Variants in ATG7 observed in about 807,000 individuals in gnomAD.
The protein encoded by ATG7 is ubiquitin-like modifier-activating enzyme ATG7.
A neutral mutation model predicts 82.4 loss-of-function variants in ATG7; 70 were observed. The observed-to-expected ratio is 0.85, with a 90% CI of 0.70 to 1.04. ATG7 has a LOEUF of 1.04. ATG7 is among the 50% of genes least tolerant of loss of function. The probability of loss-of-function intolerance (pLI) is 0.00; values close to 1 mark genes in which losing one functional copy is unlikely to be tolerated. For missense variants in ATG7, 792 were observed against 864.3 expected, an observed-to-expected ratio of 0.92 and a Z score of 1.05; for synonymous variants, 287 against 313.0, an observed-to-expected ratio of 0.92 and a Z score of 0.88.
chr3:11,297,510 T>TCAAA (rs1946132612), intron 3 of ATG7, among the ~76,000 whole-genome samples: 1 of 152,168 alleles, frequency 6.6e-6, no homozygotes, highest in Non-Finnish European at 1.5e-5. Flanking sequence ...CTTCTCAAAC[T>TCAAA]GGGGTATGTT....
intron 20 of ATG7, among the ~76,000 whole-genome samples, chr3:11,531,172 G>A (rs2092687115): frequency 6.6e-6 from 1 of 152,238 alleles, no homozygotes; most frequent in Non-Finnish European, 1.5e-5. Context: ...ACAGAGTCAA[G>A]ACTAAAACCC....
chr3:11,381,204 T>C (rs11128549), intron 19 of ATG7, among the ~76,000 whole-genome samples: 10,681 of 152,290 alleles, frequency 0.07, 539 homozygotes, highest in African/African-American at 0.15. Flanking sequence ...CTTTAAGATA[T>C]ATCTGCTCAA....
At chr3:11,427,810 G>A (rs1204892811) in intron 20 of ATG7, among the ~76,000 whole-genome samples, 2 of 65,794 alleles carry the variant, frequency 3.0e-5, no homozygotes, top group African/African-American at 1.2e-4. Flanking sequence ...GCGAGACTCC[G>A]TCTCAAAAAA....
chr3:11,430,397 C>T (rs548357314), intron 20 of ATG7, among the ~76,000 whole-genome samples: 22 of 152,170 alleles, frequency 1.4e-4, no homozygotes, highest in African/African-American at 2.6e-4. Flanking sequence ...ATTCTCAATG[C>T]GTTTACAGGT....
chr3:11,400,965 T>C (rs2079782055), intron 19 of ATG7, among the ~76,000 whole-genome samples: 1 of 152,214 alleles, frequency 6.6e-6, no homozygotes, highest in African/African-American at 2.4e-5. Context: ...AAGCAATTTC[T>C]TTTAGGAGAA....
rs1475453298 is a variant in ATG7, at chr3:11,508,579, C to T, written c.2080-46232C>T. On this transcript the variant is annotated intron_variant, in intron 20 of 20. Coordinates refer to ENST00000693202, the MANE Select transcript of ATG7 (RefSeq NM_001349232.2). ...CAGGTGATCCTCCTGCTTCAGCTTCCGAAGTAGCTGGTGTACCACCATGCC... is the reference window on the plus strand; with the variant it reads ...CAGGTGATCCTCCTGCTTCAGCTTCTGAAGTAGCTGGTGTACCACCATGCC... Among the ~76,000 whole-genome samples, 4 of 152,246 alleles carry T rather than the reference C, an allele frequency of 2.6e-5. No homozygotes were observed. In the East Asian group the frequency reaches 5.8e-4, roughly 22 times the overall value.
chr3:11,430,687 A>G (rs1338214368), intron 20 of ATG7, among the ~76,000 whole-genome samples: 1 of 152,248 alleles, frequency 6.6e-6, no homozygotes, highest in Admixed American at 6.5e-5. Flanking sequence ...TTAATGAGAC[A>G]CTGACCCTCA....
intron 9 of ATG7, among the ~76,000 whole-genome samples, chr3:11,329,089 G>A (rs933682113): frequency 6.6e-6 from 1 of 152,128 alleles, no homozygotes; most frequent in African/African-American, 2.4e-5. Flanking sequence ...CGGTAATAAC[G>A]TGAGACTCTG....
chr3:11,563,590 G>A, the ATG7 span, among the ~76,000 whole-genome samples: 5 of 152,214 alleles, frequency 3.3e-5, no homozygotes, highest in African/African-American at 1.2e-4. Context: ...CTGGGTAAAT[G>A]GTGAGCGCTC....
intron 7 of ATG7, among the ~76,000 whole-genome samples, chr3:11,309,460 T>TTG (rs1553607905): frequency 1.3e-5 from 2 of 151,654 alleles, no homozygotes; most frequent in Non-Finnish European, 2.9e-5. Flanking sequence ...GATTTTTTTT[T>TTG]TTTGTTTTTT....
At chr3:11,370,893 T>C (rs1470042195) in intron 18 of ATG7, among the ~76,000 whole-genome samples, 1 of 151,178 alleles carries the variant, frequency 6.6e-6, no homozygotes, top group Non-Finnish European at 1.5e-5. Context: ...TCTTCCTTTC[T>C]ACCTCTTTGC....
intron 20 of ATG7, among the ~76,000 whole-genome samples, chr3:11,486,829 T>TG (rs2089721203): frequency 2.9e-5 from 3 of 104,668 alleles, no homozygotes; most frequent in Non-Finnish European, 5.9e-5. Flanking sequence ...TGTTTTTTTT[T>TG]TTTTTTTTTT....
At chr3:11,414,512 C>T (rs541331313) in intron 19 of ATG7, among the ~76,000 whole-genome samples, 1 of 152,294 alleles carries the variant, frequency 6.6e-6, no homozygotes, top group South Asian at 2.1e-4. Flanking sequence ...TTTATTTCTT[C>T]CTTCCCAATC....
At chr3:11,418,528 A>G (rs777401245) in intron 19 of ATG7, among the ~76,000 whole-genome samples, 2 of 152,346 alleles carry the variant, frequency 1.3e-5, no homozygotes, top group South Asian at 2.1e-4. Context: ...TCACAAAAGC[A>G]TGGGGGCCTC....
At chr3:11,307,081 GTA>G in intron 6 of ATG7, 21 bp downstream of exon 6, 1 of 1,592,782 alleles carries the variant, frequency 6.3e-7, no homozygotes, top group South Asian at 1.1e-5. Flanking sequence ...AAAACGTGAT[GTA>G]TGTGTCATAT....
At chr3:11,532,223 G>T (rs999521809) in intron 20 of ATG7, among the ~76,000 whole-genome samples, 1 of 152,164 alleles carries the variant, frequency 6.6e-6, no homozygotes, top group Non-Finnish European at 1.5e-5. Flanking sequence ...ATTTATTGAT[G>T]CAATGCACCA....
chr3:11,342,271 A>G lies in ATG7; in HGVS notation c.1117A>G (p.Thr373Ala), dbSNP rs377564180. The G allele has an allele frequency of 5.0e-6, 8 of 1,612,360 alleles. No homozygotes were observed. Among genetic ancestry groups the G allele is most frequent in the South Asian group, 1.1e-5 (1 of 90,864 alleles). Residue 373 changes from threonine to alanine, a missense_variant, in exon 13 of 21, where the codon ACG becomes GCG. Physicochemically the swap from Thr to Ala is moderately conservative, Grantham distance 58 (BLOSUM62 0). Coordinates refer to ENST00000693202, the MANE Select transcript of ATG7 (RefSeq NM_001349232.2). ...AGTLGCNVAR[T>A]LMGWGVRHIT... ...CACCTTGGGTTGCAATGTAGCTAGG[A>G]CGTTGATGGTAAGTCGGAGGTGGGG...
intron 19 of ATG7, among the ~76,000 whole-genome samples, chr3:11,421,535 A>AG (rs2081945354): frequency 6.6e-6 from 1 of 152,180 alleles, no homozygotes; most frequent in African/African-American, 2.4e-5. Flanking sequence ...CTCCACTTTT[A>AG]GTTCCCTTGA....
intron 18 of ATG7, among the ~76,000 whole-genome samples, chr3:11,378,685 C>CA (rs368506515): frequency 6.7e-4 from 53 of 78,928 alleles, no homozygotes; most frequent in Non-Finnish European, 8.4e-4. Flanking sequence ...ACTCCATCTC[C>CA]AAAAAAAAAA....
Sources: allele counts gnomAD v4.1 joint callset (sites outside exome capture counted in the v4.1 genomes callset), GRCh38; gene constraint gnomAD v4.1.1; transcripts MANE v1.5; gene names NCBI Gene and HGNC (gene_info 2026-07-23, HGNC 2026-07-21).